The following RBFOX2 variants were observed in gnomAD, a reference collection of about 807,000 sequenced individuals.
The protein encoded by RBFOX2 is RNA binding protein fox-1 homolog 2.
RBFOX2 carries 10 observed loss-of-function variants against 49.1 expected under a neutral mutation model. The ratio of observed to expected loss-of-function variants is 0.20; its 90% CI spans 0.13 to 0.35. The LOEUF (loss-of-function observed/expected upper bound fraction) is 0.35, where lower values mean the gene tolerates loss of function less well. RBFOX2 is among the 10% of genes least tolerant of loss of function. RBFOX2 has a pLI of 1.00. For missense variants in RBFOX2, 323 were observed against 486.9 expected (o/e 0.66, Z 3.17); for synonymous variants, 183 against 187.4 (o/e 0.98, Z 0.19).
At chr22:36,003,987 G>A (rs2058529127) in intron 1 of RBFOX2, among the ~76,000 whole-genome samples, 1 of 152,186 alleles carries the variant, frequency 6.6e-6, no homozygotes, top group Non-Finnish European at 1.5e-5. Flanking sequence ...ACTTTAGGAT[G>A]TTAAAGTAAC....
At chr22:35,752,177 G>A (rs1935197504) in intron 9 of RBFOX2, among the ~76,000 whole-genome samples, 2 of 152,270 alleles carry the variant, frequency 1.3e-5, no homozygotes, top group South Asian at 4.2e-4. Context: ...TCACTACAGG[G>A]CCCAATGTGG....
At chr22:35,893,414 G>A (rs2047480053) in intron 1 of RBFOX2, among the ~76,000 whole-genome samples, 1 of 152,164 alleles carries the variant, frequency 6.6e-6, no homozygotes, top group African/African-American at 2.4e-5. Flanking sequence ...AAACATAAGT[G>A]AGTGAAAATG....
At chr22:35,882,758 G>A (rs956529052) in intron 1 of RBFOX2, among the ~76,000 whole-genome samples, 1 of 152,142 alleles carries the variant, frequency 6.6e-6, no homozygotes, top group Non-Finnish European at 1.5e-5. Context: ...GTAAATACGG[G>A]GGTGGGAAAT....
rs144861642 is a variant in RBFOX2 at position 35,773,735 on chromosome 22, G to A, written c.453+4290C>T. Among the ~76,000 whole-genome samples the A allele has an allele frequency of 2.4e-3, 359 of 151,964 alleles. 4 individuals are homozygous for A. The highest frequency in any genetic ancestry group is 8.5e-3 in the African/African-American group (354 of 41,498). On this transcript the variant is annotated intron_variant, in intron 4 of 11. Transcript: ENST00000405409. The stretch of plus-strand genomic sequence containing the variant: ...AATAGAGGATATACCAAAGTATTTT[G>A]GCAAAAACTTATAGAAAATGTAAAT...
intron 1 of RBFOX2, among the ~76,000 whole-genome samples, chr22:36,005,311 C>T (rs920792553): frequency 6.6e-6 from 1 of 152,200 alleles, no homozygotes; most frequent in Non-Finnish European, 1.5e-5. Context: ...CACTAAGAGT[C>T]TAGAAGGAAG....
At chr22:36,002,229 C>G (rs112913447) in intron 1 of RBFOX2, among the ~76,000 whole-genome samples, 4 of 152,044 alleles carry the variant, frequency 2.6e-5, no homozygotes, top group African/African-American at 9.7e-5. Flanking sequence ...ATGTGCAGAC[C>G]CTTAGAAACA....
chr22:36,014,208 G>A (rs1412055478), intron 1 of RBFOX2, among the ~76,000 whole-genome samples: 6 of 150,874 alleles, frequency 4.0e-5, no homozygotes, highest in Admixed American at 1.3e-4. Flanking sequence ...TGCAAGCTCC[G>A]CCTCCTGGGT....
At chr22:35,924,929 T>C (rs2051444315) in intron 1 of RBFOX2, among the ~76,000 whole-genome samples, 1 of 152,156 alleles carries the variant, frequency 6.6e-6, no homozygotes, top group Non-Finnish European at 1.5e-5. Flanking sequence ...ATCCCAGCAC[T>C]CTGGGAAGCC....
chr22:35,859,007 C>T (rs1236744693), intron 1 of RBFOX2, among the ~76,000 whole-genome samples: 1 of 152,130 alleles, frequency 6.6e-6, no homozygotes, highest in Non-Finnish European at 1.5e-5. Context: ...ATCATGATAT[C>T]TTCAACATTG....
chr22:35,857,670 G>A (rs2042662235), intron 1 of RBFOX2, among the ~76,000 whole-genome samples: 1 of 152,150 alleles, frequency 6.6e-6, no homozygotes, highest in African/African-American at 2.4e-5. Flanking sequence ...CTCCCACACT[G>A]ATGCAGTCTG....
At chr22:35,934,907 T>C (rs2052875961) in intron 1 of RBFOX2, among the ~76,000 whole-genome samples, 1 of 152,114 alleles carries the variant, frequency 6.6e-6, no homozygotes, top group Non-Finnish European at 1.5e-5. Flanking sequence ...CTACATTGTA[T>C]CATCAATCTA....
exon 3 of RBFOX2, chr22:35,781,635 G>A (rs763038015): frequency 1.9e-6 from 3 of 1,614,116 alleles, no homozygotes; most frequent in Non-Finnish European, 2.5e-6. Context: ...TCCCGGAAGC[G>A]GAAAGGAATA....
chr22:35,941,089 T>C (rs1043189653), upstream of RBFOX2, among the ~76,000 whole-genome samples: 1 of 152,190 alleles, frequency 6.6e-6, no homozygotes, highest in Non-Finnish European at 1.5e-5. Flanking sequence ...CTGTGAATTA[T>C]ATCTCATTAA....
chr22:35,887,096 C>A (rs1422260720), intron 1 of RBFOX2, among the ~76,000 whole-genome samples: 1 of 152,180 alleles, frequency 6.6e-6, no homozygotes, highest in Non-Finnish European at 1.5e-5. Context: ...ATATATTTTA[C>A]AACAACAAAA....
chr22:36,022,520 T>C (rs1461143286), intron 1 of RBFOX2, among the ~76,000 whole-genome samples: 2 of 152,266 alleles, frequency 1.3e-5, no homozygotes, highest in Non-Finnish European at 2.9e-5. Context: ...TTTCCAGTTT[T>C]ACATCTGCAG....
chr22:35,866,302 G>A (rs1183108924), intron 1 of RBFOX2, among the ~76,000 whole-genome samples: 1 of 151,934 alleles, frequency 6.6e-6, no homozygotes, highest in Non-Finnish European at 1.5e-5. Context: ...ACACAGAAAG[G>A]CAATTTGGAA....
At chr22:35,799,657 A>G (rs1400046714) in intron 2 of RBFOX2, among the ~76,000 whole-genome samples, 1 of 152,158 alleles carries the variant, frequency 6.6e-6, no homozygotes, top group East Asian at 1.9e-4. Flanking sequence ...GGTTAAAAAT[A>G]ATTACTTCGG....
exon 12 of RBFOX2, chr22:35,743,726 G>C (rs569486569): frequency 6.5e-6 from 1 of 153,004 alleles, no homozygotes; most frequent in African/African-American, 2.4e-5. Flanking sequence ...CAGAAGACTA[G>C]AAGAATATCC....
chr22:35,746,066 T>G, intron 10 of RBFOX2, 71 bp from the exon 13 acceptor site: 1 of 1,342,164 alleles, frequency 7.5e-7, no homozygotes, highest in Non-Finnish European at 1.1e-6. Flanking sequence ...GGGATTACTG[T>G]GCTTTAAGAC....
Sources: allele counts gnomAD v4.1 joint callset (sites outside exome capture counted in the v4.1 genomes callset), GRCh38; gene constraint gnomAD v4.1.1; transcripts MANE v1.5; gene names NCBI Gene and HGNC (gene_info 2026-07-23, HGNC 2026-07-21).